NUDCD3: variants seen among roughly 807,000 people sequenced by gnomAD.
NUDCD3 encodes the protein NudC domain containing 3.
Under a neutral mutation model 39.7 loss-of-function variants are expected in NUDCD3, and 13 were observed. The observed-to-expected ratio is 0.33, with a 90% CI of 0.21 to 0.52. The LOEUF (loss-of-function observed/expected upper bound fraction) is 0.52, where lower values mean the gene tolerates loss of function less well. Ranked by LOEUF, NUDCD3 falls within the 20% of genes least tolerant of loss-of-function variation. The pLI is 0.96. For synonymous variants in NUDCD3, 175 were observed against 172.4 expected, an observed-to-expected ratio of 1.02 and a Z score of -0.12; for missense variants, 453 against 458.1, an observed-to-expected ratio of 0.99 and a Z score of 0.10.
chr7:44,485,352 T>A (rs1266775498), intron 1 of NUDCD3, 68 bp from the exon 2 acceptor site: 2 of 1,347,308 alleles, frequency 1.5e-6, no homozygotes. Flanking sequence ...CTTGTAGAAA[T>A]GTCGTAAAAT....
chr7:44,474,129 C>T (rs1222413644), intron 2 of NUDCD3, among the ~76,000 whole-genome samples: 1 of 146,588 alleles, frequency 6.8e-6, no homozygotes, highest in Non-Finnish European at 1.5e-5. Context: ...TTTTGTATTT[C>T]AAATTCTACC....
intron 2 of NUDCD3, among the ~76,000 whole-genome samples, chr7:44,467,234 A>G (rs1314016423): frequency 1.3e-5 from 2 of 152,200 alleles, no homozygotes; most frequent in African/African-American, 2.4e-5. Context: ...GTCCCTTCCA[A>G]TGGTCCTCAC....
At chr7:44,438,685 T>C (rs925130278) in intron 2 of NUDCD3, among the ~76,000 whole-genome samples, 1 of 151,120 alleles carries the variant, frequency 6.6e-6, no homozygotes, top group African/African-American at 2.4e-5. Flanking sequence ...TAGACTTCTA[T>C]ACACAGCTGG....
chr7:44,482,879 T>A (rs1380621838), intron 2 of NUDCD3, among the ~76,000 whole-genome samples: 2 of 151,762 alleles, frequency 1.3e-5, no homozygotes, highest in Non-Finnish European at 2.9e-5. Context: ...AAAACCAAGG[T>A]AGAAATTGAA....
Position 44,436,163 on chromosome 7 carries a change from T to G in NUDCD3, c.510-8460A>C, listed in dbSNP as rs953013304. ...ATGTGAATATAGACTGGGTATTAGA[T>G]GATTTTAAGGAATTACAAATTTGTA... On this transcript the variant is annotated intron_variant, in intron 2 of 5. Coordinates refer to ENST00000355451, the MANE Select transcript of NUDCD3 (RefSeq NM_015332.4). 5.3e-5 allele frequency among the ~76,000 whole-genome samples: 8 copies of G among 152,348 alleles called. No homozygotes were observed. In the South Asian group the frequency reaches 1.7e-3, roughly 32 times the overall value.
intron 2 of NUDCD3, among the ~76,000 whole-genome samples, chr7:44,435,398 G>A (rs963693812): frequency 4.6e-5 from 7 of 152,272 alleles, no homozygotes; most frequent in Non-Finnish European, 8.8e-5. Flanking sequence ...AATTTCAGAA[G>A]GCTCCCTGCT....
intron 2 of NUDCD3, among the ~76,000 whole-genome samples, chr7:44,428,351 G>A (rs1221856716): frequency 1.3e-5 from 2 of 151,666 alleles, no homozygotes; most frequent in Admixed American, 1.3e-4. Flanking sequence ...CAGGAGAATC[G>A]CTTGAACCTG....
At chr7:44,414,034 CAA>C (rs933624365) in intron 3 of NUDCD3, among the ~76,000 whole-genome samples, 3 of 123,222 alleles carry the variant, frequency 2.4e-5, no homozygotes, top group Non-Finnish European at 5.2e-5. Context: ...AACCCTGTCT[CAA>C]AAAAAAAAAA....
intron 2 of NUDCD3, among the ~76,000 whole-genome samples, chr7:44,450,374 C>T (rs1340503199): frequency 1.3e-5 from 2 of 152,086 alleles, no homozygotes; most frequent in African/African-American, 4.8e-5. Context: ...GGTGGGGTTT[C>T]ACCATGTTGG....
chr7:44,429,683 C>G lies in NUDCD3; in HGVS notation c.510-1980G>C, dbSNP rs1310730968. 2.6e-5 allele frequency among the ~76,000 whole-genome samples: 4 copies of G among 152,156 alleles called. No homozygotes were observed. The East Asian group carries it at 7.7e-4, about 29-fold the overall frequency. ...AATTCAGCACTGAATATTGGCAGGA[C>G]TAGGCACTAACCAATCGGAAGAGAT... On this transcript the variant is annotated intron_variant, in intron 2 of 5. Transcript: ENST00000355451.
chr7:44,481,667 C>A (rs1404156542), intron 2 of NUDCD3, among the ~76,000 whole-genome samples: 1 of 152,218 alleles, frequency 6.6e-6, no homozygotes. Flanking sequence ...CATTCCCTTA[C>A]TACAGAAATT....
rs184638683 is a variant in NUDCD3, at chr7:44,462,445, C to T, written c.509+22523G>A. ...CTTATACTCTAAAATCCCCTAATGA[C>T]CACATGTTCAGAAAATGTTCCTAAA... is the stretch of plus-strand genomic sequence containing the variant. On this transcript the variant is annotated intron_variant, in intron 2 of 5. Transcript: ENST00000355451. 1.0e-3 allele frequency among the ~76,000 whole-genome samples: 158 copies of T among 152,312 alleles called. 1 individual carries two copies. Among genetic ancestry groups the T allele is most frequent in the African/African-American group, 3.7e-3 (152 of 41,572 alleles).
intron 2 of NUDCD3, among the ~76,000 whole-genome samples, chr7:44,467,560 CAGGTCAGAGATCA>C (rs1800144647): frequency 6.6e-6 from 1 of 151,990 alleles, no homozygotes; most frequent in South Asian, 2.1e-4. Context: ...GATCAAGGGG[CAGGTCAGAGATCA>C]AGGTCCCCAT....
chr7:44,469,115 CAAAAAAAAAAAAA>C (rs756247647), intron 2 of NUDCD3, among the ~76,000 whole-genome samples: 13 of 32,862 alleles, frequency 4.0e-4, no homozygotes, highest in East Asian at 1.4e-3. Context: ...ACAAACAAAC[CAAAAAAAAAAAAA>C]AAAAAAAAAA....
chr7:44,393,166 T>G (rs1243045581), intron 4 of NUDCD3, among the ~76,000 whole-genome samples: 1 of 152,004 alleles, frequency 6.6e-6, no homozygotes. Flanking sequence ...TAAAGTTCTC[T>G]GATGGCTTGG....
chr7:44,402,512 G>A, intron 4 of NUDCD3: 1 of 382,448 alleles, frequency 2.6e-6, no homozygotes, highest in Non-Finnish European at 5.3e-6. Flanking sequence ...AGGAATCATT[G>A]GTACCCTGAT....
chr7:44,476,974 T>C (rs189436582), intron 2 of NUDCD3, among the ~76,000 whole-genome samples: 1 of 152,072 alleles, frequency 6.6e-6, no homozygotes, highest in African/African-American at 2.4e-5. Flanking sequence ...TGATGAAGTA[T>C]CTGCCAAGGA....
At chr7:44,487,256 A>G (rs2116987860) in intron 1 of NUDCD3, among the ~76,000 whole-genome samples, 1 of 152,318 alleles carries the variant, frequency 6.6e-6, no homozygotes, top group South Asian at 2.1e-4. Context: ...TTAAAAGGAA[A>G]CGTATGAGCT....
At chr7:44,414,352 G>A (rs1157772722) in intron 3 of NUDCD3, among the ~76,000 whole-genome samples, 1 of 152,124 alleles carries the variant, frequency 6.6e-6, no homozygotes, top group Non-Finnish European at 1.5e-5. Flanking sequence ...AATTTACTGG[G>A]CACCCCTCAG....
Sources: gnomAD v4.1 joint callset for allele counts (sites outside exome capture counted in the v4.1 genomes callset) on GRCh38, gnomAD v4.1.1 for gene constraint, MANE v1.5 for transcripts, NCBI Gene and HGNC (gene_info 2026-07-23, HGNC 2026-07-21) for gene names.